OR2F1: variants seen among roughly 807,000 people sequenced by gnomAD.
OR2F1 encodes the protein olfactory receptor 2F1.
For synonymous variants in OR2F1, 146 were observed against 155.3 expected (o/e 0.94, Z 0.44); for missense variants, 389 against 378.2 (o/e 1.03, Z -0.24).
In OR2F1 at chr7:143,960,818, C is replaced by G. The variant is rs201462946; in HGVS notation, c.848C>G (p.Pro283Arg). The change falls in exon 3 of 3, where the codon CCA becomes CGA. Residue 283 changes from proline (P) to arginine (R), a missense_variant. Physicochemically the swap from Pro to Arg is moderately radical, Grantham distance 103. Coordinates refer to ENST00000641412, the MANE Select transcript of OR2F1 (RefSeq NM_012369.3). The stretch of plus-strand genomic sequence containing the variant: ...TCTGTCTTTTATGCCATTTTAACAC[C>G]AATGCTGAACCCCATGATTTACAGC... The part of the protein sequence containing the change: ...LFSVFYAILT[P>R]MLNPMIYSLR... 6.2e-7 allele frequency: 1 copy of G among 1,613,966 alleles called. No individual in the cohort carries two copies.
At chr7:143,955,308 G>A (rs1054087287) in intron 1 of OR2F1, among the ~76,000 whole-genome samples, 6 of 151,760 alleles carry the variant, frequency 4.0e-5, no homozygotes, top group African/African-American at 1.5e-4. Context: ...TTTTTTTCCT[G>A]TAATTTTCAG....
intron 2 of OR2F1, among the ~76,000 whole-genome samples, chr7:143,959,495 C>T (rs1049885213): frequency 6.6e-6 from 1 of 152,132 alleles, no homozygotes; most frequent in African/African-American, 2.4e-5. Context: ...CAGATTTTTC[C>T]TCCAGGCCTT....
intron 1 of OR2F1, among the ~76,000 whole-genome samples, chr7:143,957,454 A>G (rs1026641434): frequency 6.6e-6 from 1 of 152,240 alleles, no homozygotes; most frequent in African/African-American, 2.4e-5. Flanking sequence ...TAGTGAGGGT[A>G]GAAATGTTTA....
Position 143,960,820 on chromosome 7 carries a change from A to G in OR2F1, c.850A>G (p.Met284Val), listed in dbSNP as rs1299738055. ...FSVFYAILTP[M>V]LNPMIYSLRN... is the part of the protein sequence containing the mutation. ...TGTCTTTTATGCCATTTTAACACCA[A>G]TGCTGAACCCCATGATTTACAGCCT... The change falls in exon 3 of 3, where the codon ATG becomes GTG. Residue 284 changes from methionine to valine, a missense_variant. Met to Val is a conservative substitution (Grantham distance 21). Transcript: ENST00000641412. 6 of 1,614,154 alleles carry G rather than the reference A, an allele frequency of 3.7e-6. No individual in the cohort carries two copies. Among genetic ancestry groups the G allele is most frequent in the African/African-American group, 1.3e-5 (1 of 75,028 alleles).
chr7:143,955,287 C>G (rs900241208), intron 1 of OR2F1, among the ~76,000 whole-genome samples, 184 bp downstream of exon 1: 3 of 151,950 alleles, frequency 2.0e-5, no homozygotes, highest in Admixed American at 1.3e-4. Flanking sequence ...CTATTCATAC[C>G]TCTTCTCTGA....
At chr7:143,959,424 C>T (rs1296144395) in intron 2 of OR2F1, among the ~76,000 whole-genome samples, 1 of 152,052 alleles carries the variant, frequency 6.6e-6, no homozygotes, top group Non-Finnish European at 1.5e-5. Context: ...TAATGTTTAT[C>T]AATAAACCAA....
In OR2F1 at chr7:143,962,517, T is replaced by C. The variant is rs2116940030; in HGVS notation, c.*1593T>C. The C allele has an allele frequency of 6.6e-6, 1 of 152,284 alleles. No homozygotes were observed. Among genetic ancestry groups the C allele is most frequent in the African/African-American group, 2.4e-5 (1 of 41,542 alleles). 9.4% of individuals were successfully genotyped at this position (152,284 alleles called of 1,614,324 possible). On this transcript the variant is annotated 3_prime_UTR_variant, in exon 3 of 3. Coordinates refer to ENST00000641412, the MANE Select transcript of OR2F1 (RefSeq NM_012369.3). ...AGTGTTACAGTGAAGGGGAGCCCACTGGAAATGATTGCAGAAGGCTTCCTA... is the reference window on the plus strand; with the variant it reads ...AGTGTTACAGTGAAGGGGAGCCCACCGGAAATGATTGCAGAAGGCTTCCTA...
chr7:143,957,144 T>C (rs1417959822), intron 1 of OR2F1, among the ~76,000 whole-genome samples: 1 of 152,128 alleles, frequency 6.6e-6, no homozygotes, highest in Non-Finnish European at 1.5e-5. Context: ...GTAATTATTA[T>C]AGCTAGAAAT....
chr7:143,959,059 C>T lies in OR2F1; in HGVS notation c.-73C>T, dbSNP rs1363340809. 8.3e-6 allele frequency: 1 copy of T among 119,870 alleles called. No individual in the cohort carries two copies. Among genetic ancestry groups the T allele is most frequent in the African/African-American group, 4.0e-5 (1 of 24,894 alleles). 7.4% of individuals were successfully genotyped at this position (119,870 alleles called of 1,614,324 possible). On this transcript the variant is annotated 5_prime_UTR_variant, in exon 2 of 3. Transcript: ENST00000641412. The stretch of plus-strand genomic sequence containing the variant: ...AAAAGGTCAAGGGCTACCTGAAAGA[C>T]CGGTGGCCCCAGGATCCTCAAAGCA...
chr7:143,958,205 T>C (rs1416876058), intron 1 of OR2F1, among the ~76,000 whole-genome samples: 2 of 152,290 alleles, frequency 1.3e-5, no homozygotes, highest in South Asian at 4.1e-4. Context: ...AATGGAAAAA[T>C]GTCTAATTCA....
Position 143,962,141 on chromosome 7 carries a change from G to A in OR2F1, c.*1217G>A, listed in dbSNP as rs749893160. Reference sequence around the variant, plus strand: ...AAGGAGTCAGTCTTTTCTTCCTTTTGTGTCTTCTTTAAGTCAGTTGATTTG... The same window carrying A: ...AAGGAGTCAGTCTTTTCTTCCTTTTATGTCTTCTTTAAGTCAGTTGATTTG... On this transcript the variant is annotated 3_prime_UTR_variant, in exon 3 of 3. Coordinates refer to ENST00000641412, the MANE Select transcript of OR2F1 (RefSeq NM_012369.3). The A allele has an allele frequency of 1.3e-5, 2 of 152,164 alleles. No individual in the cohort carries two copies. The highest frequency in any genetic ancestry group is 2.9e-5 in the Non-Finnish European group (2 of 68,046). 9.4% of individuals were successfully genotyped at this position (152,164 alleles called of 1,614,324 possible).
chr7:143,963,999 T>C lies in OR2F1; in HGVS notation c.*3075T>C, dbSNP rs1197731970. 1 of 152,210 alleles carries C rather than the reference T, an allele frequency of 6.6e-6. No homozygotes were observed. The highest frequency in any genetic ancestry group is 1.5e-5 in the Non-Finnish European group (1 of 68,038). 9.4% of individuals were successfully genotyped at this position (152,210 alleles called of 1,614,324 possible). A position where few individuals can be genotyped will look rare whatever the true frequency, so the allele number is the denominator to read the frequency against. ...ATCCAATCAAGTTGATGGTCAATAT[T>C]AACCATCATATATTCCATCTATTAA... On this transcript the variant is annotated 3_prime_UTR_variant, in exon 3 of 3. Transcript: ENST00000641412.
Position 143,960,268 on chromosome 7 carries a change from C to A in OR2F1, c.298C>A (p.Gln100Lys). 6.2e-7 allele frequency: 1 copy of A among 1,614,172 alleles called. No individual in the cohort carries two copies. The highest frequency in any genetic ancestry group is 8.5e-7 in the Non-Finnish European group (1 of 1,180,046). ...CATCCCATTCCAGAGCTGTGCAGCC[C>A]AGTTATTTTTCTCCCTGGCCTTGGG... The part of the protein sequence containing the change: ...KAIPFQSCAA[Q>K]LFFSLALGGI... Residue 100 changes from glutamine to lysine, a missense_variant, in exon 3 of 3, where the codon CAG becomes AAG. Gln to Lys is a moderately conservative substitution (Grantham distance 53). Transcript: ENST00000641412.
At position 143,963,115 on chromosome 7, in the gene OR2F1, G is replaced by T. The variant is rs2050341965; in HGVS notation, c.*2191G>T. ...ATGCTGTCTGAACATTCTGTAAATT[G>T]TGTAGTAAACTGGAAAATTCACCAT... On this transcript the variant is annotated 3_prime_UTR_variant, in exon 3 of 3. Transcript: ENST00000641412. 6.6e-6 allele frequency: 1 copy of T among 152,210 alleles called. No individual in the cohort carries two copies. The highest frequency in any genetic ancestry group is 2.4e-5 in the African/African-American group (1 of 41,436). 9.4% of individuals were successfully genotyped at this position (152,210 alleles called of 1,614,324 possible).
intron 1 of OR2F1, among the ~76,000 whole-genome samples, chr7:143,955,773 A>G (rs1237505019): frequency 6.6e-6 from 1 of 152,212 alleles, no homozygotes; most frequent in Non-Finnish European, 1.5e-5. Context: ...CTCAGAACAC[A>G]TATAGAAAAA....
rs2050319717 is a variant in OR2F1, at chr7:143,960,585, T to G, written c.615T>G (p.Val205=). Residue 205 remains valine, a synonymous_variant, in exon 3 of 3, where the codon GTT becomes GTG. Coordinates refer to ENST00000641412, the MANE Select transcript of OR2F1 (RefSeq NM_012369.3). ...NEVTIMVSSI[V]LLMTPFCLVL... is the part of the protein sequence containing the mutation. ...TCACCATCATGGTGTCTAGCATTGT[T>G]CTTCTGATGACACCCTTCTGCCTGG... The G allele has an allele frequency of 4.3e-6, 7 of 1,614,190 alleles. No homozygotes were observed. In the East Asian group the frequency reaches 1.6e-4, roughly 36 times the overall value.
intron 1 of OR2F1, among the ~76,000 whole-genome samples, chr7:143,958,652 T>C (rs1562995733): frequency 6.6e-6 from 1 of 152,068 alleles, no homozygotes; most frequent in Non-Finnish European, 1.5e-5. Flanking sequence ...AACACTGCAA[T>C]AAAAAGAACG....
Position 143,960,804 on chromosome 7 carries a change from T to G in OR2F1, c.834T>G (p.Tyr278Ter), listed in dbSNP as rs757683673. 6 of 1,614,072 alleles carry G rather than the reference T, an allele frequency of 3.7e-6. No individual in the cohort carries two copies. In the East Asian group the frequency reaches 1.3e-4, roughly 36 times the overall value. The change falls in exon 3 of 3, where the codon TAT becomes TAG. Residue 278 changes from tyrosine to a stop codon, truncating the protein, a stop_gained. Transcript: ENST00000641412. LOFTEE classifies it high-confidence loss of function. The part of the protein sequence containing the change: ...VLQEKLFSVF[Y>*]AILTPMLNPM... ...AGGAGAAGTTGTTCTCTGTCTTTTA[T>G]GCCATTTTAACACCAATGCTGAACC...
rs150944486 is a variant in OR2F1, at chr7:143,958,704, AT to A, written c.-179-239del. ...CATGGAATAAGAAGGAATTGGTTCT[AT>A]TTTTTTTTTACAATGTAATTTGTTT... is the stretch of plus-strand genomic sequence containing the variant. On this transcript the variant is annotated intron_variant, in intron 1 of 2. Coordinates refer to ENST00000641412, the MANE Select transcript of OR2F1 (RefSeq NM_012369.3). Among the ~76,000 whole-genome samples, 414 of 149,150 alleles carry A rather than the reference AT, an allele frequency of 2.8e-3. 8 individuals are homozygous for A. The South Asian group carries it at 0.04, about 14-fold the overall frequency.
Sources: gnomAD v4.1 joint callset for allele counts (sites outside exome capture counted in the v4.1 genomes callset) on GRCh38, gnomAD v4.1.1 for gene constraint, MANE v1.5 for transcripts, NCBI Gene and HGNC (gene_info 2026-07-23, HGNC 2026-07-21) for gene names.